ZNF804A: variants seen among roughly 807,000 people sequenced by gnomAD.
ZNF804A encodes the protein zinc finger protein 804A.
Under a neutral mutation model 16.5 loss-of-function variants are expected in ZNF804A, and 2 were observed. The observed-to-expected ratio is 0.12, with a 90% confidence interval of 0.05 to 0.38. The LOEUF is 0.38. ZNF804A is among the 10% of genes least tolerant of loss of function. The pLI is 0.99. For missense variants in ZNF804A, 1,473 were observed against 1,390.7 expected, an observed-to-expected ratio of 1.06 and a Z score of -0.94; for synonymous variants, 534 against 489.6, an observed-to-expected ratio of 1.09 and a Z score of -1.20.
intron 1 of ZNF804A, among the ~76,000 whole-genome samples, chr2:184,658,492 AAAAC>A (rs201242399): frequency 3.9e-5 from 6 of 152,118 alleles, no homozygotes; most frequent in Admixed American, 1.3e-4. Flanking sequence ...CAAAAAACAG[AAAAC>A]AAACAAACAA....
At chr2:184,761,676 T>G (rs918467888) in intron 1 of ZNF804A, among the ~76,000 whole-genome samples, 1 of 152,072 alleles carries the variant, frequency 6.6e-6, no homozygotes, top group African/African-American at 2.4e-5. Context: ...CAAAAACAAG[T>G]TCTCAACCTC....
At chr2:184,811,818 A>T (rs1416793024) in intron 1 of ZNF804A, among the ~76,000 whole-genome samples, 2 of 152,250 alleles carry the variant, frequency 1.3e-5, no homozygotes, top group African/African-American at 4.8e-5. Context: ...TAATATTTTA[A>T]CATTTCAAAA....
rs546401177 is a variant in ZNF804A, at chr2:184,610,666, GGTTAT to G, written c.111+11601_111+11605del. 6.6e-5 allele frequency among the ~76,000 whole-genome samples: 10 copies of G among 152,192 alleles called. No individual in the cohort carries two copies. The East Asian group carries it at 1.9e-3, about 29-fold the overall frequency. ...TACATTTGTGTTACCTCCTTCAAAAGGTTATGTTAGCAAAATACCACTCCCTGGTG... is the reference window on the plus strand; with the variant it reads ...TACATTTGTGTTACCTCCTTCAAAAGGTTAGCAAAATACCACTCCCTGGTG... On this transcript the variant is annotated intron_variant, in intron 1 of 3. Coordinates refer to ENST00000302277, the MANE Select transcript of ZNF804A (RefSeq NM_194250.2).
rs145949677 is a variant in ZNF804A, at chr2:184,818,762, G to A, written c.112-47607G>A. On this transcript the variant is annotated intron_variant, in intron 1 of 3. Transcript: ENST00000302277. ...AGCAGGAGTTGCAATTCTAGTTTCT[G>A]ACAAAACAGACTTCAAACCAACACA... Among the ~76,000 whole-genome samples, 573 of 151,948 alleles carry A rather than the reference G, an allele frequency of 3.8e-3. 6 individuals carry two copies. Among genetic ancestry groups the A allele is most frequent in the African/African-American group, 0.013 (543 of 41,482 alleles).
chr2:184,693,725 T>C (rs959255620), intron 1 of ZNF804A, among the ~76,000 whole-genome samples: 3 of 152,218 alleles, frequency 2.0e-5, no homozygotes, highest in African/African-American at 4.8e-5. Context: ...AATGTTCTTG[T>C]AGCTGGTGTT....
intron 2 of ZNF804A, among the ~76,000 whole-genome samples, chr2:184,892,483 C>CTTTTTTTTTTTTT (rs869292193): frequency 4.7e-5 from 5 of 105,706 alleles, no homozygotes; most frequent in Non-Finnish European, 9.1e-5. Flanking sequence ...TTGTTGTGTT[C>CTTTTTTTTTTTTT]TTTTTTTTTT....
At chr2:184,679,599 C>G (rs756136154) in intron 1 of ZNF804A, among the ~76,000 whole-genome samples, 2 of 152,198 alleles carry the variant, frequency 1.3e-5, no homozygotes, top group Non-Finnish European at 1.5e-5. Context: ...CTCCCCACTC[C>G]TTAGGCCTGC....
chr2:184,805,566 A>G (rs1294740263), intron 1 of ZNF804A, among the ~76,000 whole-genome samples: 1 of 152,060 alleles, frequency 6.6e-6, no homozygotes, highest in African/African-American at 2.4e-5. Context: ...CCAAAGGAAA[A>G]GTAAGGAGAT....
At chr2:184,845,540 C>T (rs1015869982) in intron 1 of ZNF804A, among the ~76,000 whole-genome samples, 3 of 152,084 alleles carry the variant, frequency 2.0e-5, no homozygotes, top group African/African-American at 7.2e-5. Flanking sequence ...GACAGAAAGG[C>T]TATGGGGTCT....
At chr2:184,888,056 A>G (rs943703647) in intron 2 of ZNF804A, among the ~76,000 whole-genome samples, 2 of 152,160 alleles carry the variant, frequency 1.3e-5, no homozygotes, top group South Asian at 2.1e-4. Flanking sequence ...AACAATCTCA[A>G]TAAGAAACCT....
intron 2 of ZNF804A, among the ~76,000 whole-genome samples, chr2:184,918,170 G>T (rs1421163019): frequency 6.6e-6 from 1 of 151,968 alleles, no homozygotes; most frequent in East Asian, 1.9e-4. Flanking sequence ...TTTCCCCTTG[G>T]TAATCAAAAT....
At chr2:184,600,643 T>C (rs1691030174) in intron 1 of ZNF804A, among the ~76,000 whole-genome samples, 1 of 152,210 alleles carries the variant, frequency 6.6e-6, no homozygotes, top group Non-Finnish European at 1.5e-5. Flanking sequence ...TGCACAAGAT[T>C]TCATTTCCAT....
At chr2:184,679,721 T>C (rs537868517) in intron 1 of ZNF804A, among the ~76,000 whole-genome samples, 1 of 152,272 alleles carries the variant, frequency 6.6e-6, no homozygotes, top group South Asian at 2.1e-4. Flanking sequence ...CTCAGCATCC[T>C]CCAGAATTTG....
intron 1 of ZNF804A, among the ~76,000 whole-genome samples, chr2:184,681,167 GCC>G (rs1692532789): frequency 6.6e-6 from 1 of 152,198 alleles, no homozygotes. Context: ...GGTGGAATGA[GCC>G]CAGTGGGCCC....
chr2:184,743,382 T>A (rs1219872262), intron 1 of ZNF804A, among the ~76,000 whole-genome samples: 1 of 152,080 alleles, frequency 6.6e-6, no homozygotes, highest in East Asian at 1.9e-4. Flanking sequence ...CTTTATATTG[T>A]TCATAGTTGA....
chr2:184,785,295 T>A (rs1335497895), intron 1 of ZNF804A, among the ~76,000 whole-genome samples: 1 of 152,080 alleles, frequency 6.6e-6, no homozygotes, highest in East Asian at 1.9e-4. Flanking sequence ...GTAATTTATT[T>A]TAAAAATTAA....
intron 2 of ZNF804A, among the ~76,000 whole-genome samples, chr2:184,877,888 TAAAG>T (rs997001351): frequency 3.3e-5 from 5 of 151,956 alleles, no homozygotes; most frequent in African/African-American, 7.3e-5. Flanking sequence ...ATGAAGAAAA[TAAAG>T]AGAGAAACAA....
At chr2:184,823,238 C>A (rs1311801383) in intron 1 of ZNF804A, among the ~76,000 whole-genome samples, 1 of 151,900 alleles carries the variant, frequency 6.6e-6, no homozygotes, top group Non-Finnish European at 1.5e-5. Context: ...AAAGGGCCCA[C>A]CTAGATTGAT....
At chr2:184,834,935 T>C (rs1414194432) in intron 1 of ZNF804A, among the ~76,000 whole-genome samples, 1 of 152,198 alleles carries the variant, frequency 6.6e-6, no homozygotes, top group Non-Finnish European at 1.5e-5. Flanking sequence ...AAGTTATGAA[T>C]GTTGAATTAT....
Sources: allele counts gnomAD v4.1 joint callset (sites outside exome capture counted in the v4.1 genomes callset), GRCh38; gene constraint gnomAD v4.1.1; transcripts MANE v1.5; gene names NCBI Gene and HGNC (gene_info 2026-07-23, HGNC 2026-07-21).